NRG3: variants seen among roughly 807,000 people sequenced by gnomAD.
NRG3 encodes neuregulin 3.
Under a neutral mutation model 66.9 loss-of-function variants are expected in NRG3, and 31 were observed. That is an observed-to-expected ratio of 0.46 (90% CI 0.35 to 0.63). The LOEUF is 0.63. NRG3 is among the 20% of genes least tolerant of loss of function. The pLI is 0.00. For synonymous variants in NRG3, 393 were observed against 359.4 expected, an observed-to-expected ratio of 1.09 and a Z score of -1.06; for missense variants, 910 against 878.9, an observed-to-expected ratio of 1.04 and a Z score of -0.45.
intron 2 of NRG3, among the ~76,000 whole-genome samples, chr10:82,636,833 TGAGA>T (rs879792740): frequency 1.6e-3 from 242 of 151,626 alleles, no homozygotes; most frequent in African/African-American, 4.5e-3. Context: ...TGTGTGTGTG[TGAGA>T]GAGAGAGTGT....
In NRG3 at chr10:82,619,753, A is replaced by T. The variant is rs570567858; in HGVS notation, c.954-118824A>T. 2.7e-3 allele frequency among the ~76,000 whole-genome samples: 406 copies of T among 152,230 alleles called. 1 individual carries two copies. The highest frequency in any genetic ancestry group is 9.0e-3 in the African/African-American group (376 of 41,560). ...GACTGGTGTCCTTTAAGAAGTGGAG[A>T]TGAGGACACAGACAGACATAGAGGA... On this transcript the variant is annotated intron_variant, in intron 2 of 8. Transcript: ENST00000372141.
rs561732759 is a variant in NRG3 at position 82,492,259 on chromosome 10, T to C, written c.953+133391T>C. 2.0e-3 allele frequency among the ~76,000 whole-genome samples: 304 copies of C among 152,352 alleles called. 1 individual carries two copies. The highest frequency in any genetic ancestry group is 3.4e-3 in the Non-Finnish European group (234 of 68,028). ...GACAAATAGCATTACATGGTGATCC[T>C]CACATTTTATCTTAATTTCTTGGCA... On this transcript the variant is annotated intron_variant, in intron 2 of 8. Coordinates refer to ENST00000372141, the MANE Select transcript of NRG3 (RefSeq NM_001010848.4).
intron 1 of NRG3, among the ~76,000 whole-genome samples, chr10:82,180,970 T>C (rs1165535626): frequency 6.6e-6 from 1 of 151,852 alleles, no homozygotes; most frequent in Non-Finnish European, 1.5e-5. Flanking sequence ...ATAGGTCTGT[T>C]CTGATTTTTC....
intron 8 of NRG3, among the ~76,000 whole-genome samples, chr10:82,980,488 G>C (rs188899254): frequency 6.6e-6 from 1 of 152,272 alleles, no homozygotes; most frequent in African/African-American, 2.4e-5. Context: ...AGCCAAGCCA[G>C]GTTTCTATGC....
intron 1 of NRG3, among the ~76,000 whole-genome samples, chr10:82,039,832 G>C (rs1252754270): frequency 6.6e-6 from 1 of 152,066 alleles, no homozygotes; most frequent in Non-Finnish European, 1.5e-5. Context: ...CTCTCCTGAC[G>C]CATCACTGCC....
intron 4 of NRG3, among the ~76,000 whole-genome samples, chr10:82,875,320 T>A (rs966272972): frequency 6.6e-6 from 1 of 152,188 alleles, no homozygotes; most frequent in African/African-American, 2.4e-5. Context: ...AATATTGTTT[T>A]CTCATTTATT....
chr10:82,677,068 T>C (rs151032566), intron 2 of NRG3, among the ~76,000 whole-genome samples: 3,582 of 151,534 alleles, frequency 0.024, 51 homozygotes, highest in Non-Finnish European at 0.036. Context: ...CTCTCTTTTT[T>C]TTTTTTTTAA....
At chr10:82,781,546 T>C (rs1455030836) in intron 3 of NRG3, among the ~76,000 whole-genome samples, 2 of 152,146 alleles carry the variant, frequency 1.3e-5, no homozygotes, top group Non-Finnish European at 2.9e-5. Flanking sequence ...ACTAGTCTGC[T>C]TTTTCTGATT....
At chr10:82,635,473 C>T (rs1314786542) in intron 2 of NRG3, among the ~76,000 whole-genome samples, 1 of 152,046 alleles carries the variant, frequency 6.6e-6, no homozygotes, top group Non-Finnish European at 1.5e-5. Context: ...ATATTCCTGT[C>T]TTCTGAGGGT....
In NRG3 at chr10:82,026,836, T is replaced by G. The variant is rs190115413; in HGVS notation, c.823+150673T>G. Among the ~76,000 whole-genome samples the G allele has an allele frequency of 5.9e-5, 9 of 152,078 alleles. No individual in the cohort carries two copies. The East Asian group carries it at 1.7e-3, about 30-fold the overall frequency. On this transcript the variant is annotated intron_variant, in intron 1 of 8. Transcript: ENST00000372141. ...TAAGGTTTATTACAGAAAACTAGAA[T>G]AGATTTTTGCCTCTTCCTAGGCAAA... is the stretch of plus-strand genomic sequence containing the variant.
Position 82,443,295 on chromosome 10 carries a change from C to T in NRG3, c.953+84427C>T, listed in dbSNP as rs529006597. On this transcript the variant is annotated intron_variant, in intron 2 of 8. Transcript: ENST00000372141. ...TAGCCTAGGACAAAACCACCAGCTT[C>T]GGTAATTTGAGTTATCACTCATGTA... 1.7e-3 allele frequency among the ~76,000 whole-genome samples: 262 copies of T among 152,050 alleles called. 1 individual carries two copies. The highest frequency in any genetic ancestry group is 1.3e-3 in the Non-Finnish European group (85 of 67,990).
chr10:81,927,045 G>A (rs1174879703), intron 1 of NRG3, among the ~76,000 whole-genome samples: 4 of 152,134 alleles, frequency 2.6e-5, no homozygotes, highest in Non-Finnish European at 5.9e-5. Flanking sequence ...GATTCTAATC[G>A]ATGATTGGAT....
intron 2 of NRG3, among the ~76,000 whole-genome samples, chr10:82,435,779 C>CTTTTTTTT (rs1158502018): frequency 1.0e-4 from 11 of 108,284 alleles, no homozygotes; most frequent in Non-Finnish European, 1.5e-4. Flanking sequence ...CTTTTCTTTT[C>CTTTTTTTT]TTTTTTTTTT....
intron 2 of NRG3, among the ~76,000 whole-genome samples, chr10:82,436,417 C>G (rs1210911191): frequency 6.6e-6 from 1 of 152,072 alleles, no homozygotes; most frequent in Non-Finnish European, 1.5e-5. Context: ...TTATTTTGAG[C>G]CTGTGTGTGC....
At chr10:81,982,105 C>G (rs2060350927) in intron 1 of NRG3, among the ~76,000 whole-genome samples, 1 of 152,126 alleles carries the variant, frequency 6.6e-6, no homozygotes, top group Non-Finnish European at 1.5e-5. Flanking sequence ...TCTCTTTCCT[C>G]TTGCAGTTTA....
intron 1 of NRG3, among the ~76,000 whole-genome samples, chr10:82,321,801 C>T (rs942212571): frequency 1.3e-5 from 2 of 152,198 alleles, no homozygotes; most frequent in African/African-American, 4.8e-5. Flanking sequence ...TGTATATTTC[C>T]TGAAGGCATA....
intron 1 of NRG3, among the ~76,000 whole-genome samples, chr10:82,126,080 GA>G (rs2068433403): frequency 6.6e-6 from 1 of 151,980 alleles, no homozygotes; most frequent in Non-Finnish European, 1.5e-5. Context: ...TATCGCCATA[GA>G]AAAGATTAGT....
At chr10:82,123,762 G>A (rs892880658) in intron 1 of NRG3, among the ~76,000 whole-genome samples, 1 of 152,140 alleles carries the variant, frequency 6.6e-6, no homozygotes, top group Non-Finnish European at 1.5e-5. Context: ...AATGTTGGCT[G>A]AACAGTGGAA....
At chr10:82,415,475 A>C (rs926921476) in intron 2 of NRG3, among the ~76,000 whole-genome samples, 3 of 152,174 alleles carry the variant, frequency 2.0e-5, no homozygotes, top group African/African-American at 4.8e-5. Context: ...GAGTCTTGTA[A>C]TTATGCTACA....
Sources: gnomAD v4.1 joint callset for allele counts (sites outside exome capture counted in the v4.1 genomes callset) on GRCh38, gnomAD v4.1.1 for gene constraint, MANE v1.5 for transcripts, NCBI Gene and HGNC (gene_info 2026-07-23, HGNC 2026-07-21) for gene names.